RO60: variants seen among roughly 807,000 people sequenced by gnomAD.
The protein encoded by RO60 is Ro60, Y RNA binding protein.
A neutral mutation model predicts 55.3 loss-of-function variants in RO60; 20 were observed. The ratio of observed to expected loss-of-function variants is 0.36; its 90% confidence interval spans 0.25 to 0.53. RO60 has a LOEUF of 0.53. Among genes scored for constraint, RO60 ranks in the 20% least tolerant of loss-of-function variants. The pLI is 0.92. For missense variants in RO60, 558 were observed against 646.6 expected, an observed-to-expected ratio of 0.86 and a Z score of 1.49; for synonymous variants, 213 against 213.6, an observed-to-expected ratio of 1.00 and a Z score of 0.02.
At chr1:193,066,118 C>A (rs1395488783) in intron 1 of RO60, among the ~76,000 whole-genome samples, 4 of 152,112 alleles carry the variant, frequency 2.6e-5, no homozygotes, top group African/African-American at 9.7e-5. Context: ...TACTCTTTAC[C>A]CTTAAAAGAT....
At position 193,088,161 on chromosome 1, in the gene RO60, G is replaced by GC. The variant is rs1674699659; in HGVS notation, c.*3431dup. 1.1e-5 allele frequency: 1 copy of GC among 93,828 alleles called. No homozygotes were observed. The highest frequency in any genetic ancestry group is 5.7e-5 in the African/African-American group (1 of 17,526). 5.8% of individuals were successfully genotyped at this position (93,828 alleles called of 1,614,324 possible). On this transcript the variant is annotated 3_prime_UTR_variant, in exon 9 of 9. Coordinates refer to ENST00000400968, the MANE Select transcript of RO60 (RefSeq NM_001173524.2). ...TGGTGTGCACTGCACTACCACGCCTGCTTTTTTTTTTTTTTTTTTTTTTTT... is the reference window on the plus strand; with the variant it reads ...TGGTGTGCACTGCACTACCACGCCTGCCTTTTTTTTTTTTTTTTTTTTTTTT...
In RO60 at chr1:193,084,600, T is replaced by C. The variant is rs775449652; in HGVS notation, c.1486T>C (p.Leu496=). The change falls in exon 9 of 9, where the codon TTG becomes CTG. Residue 496 remains leucine (L), a synonymous_variant. Coordinates refer to ENST00000400968, the MANE Select transcript of RO60 (RefSeq NM_001173524.2). ...YRKKMDIPAK[L]IVCGMTSNGF... ...ACAGAAAATGGATATTCCAGCTAAA[T>C]TGATTGTTTGTGGAATGACATCAAA... The C allele has an allele frequency of 1.9e-6, 3 of 1,612,622 alleles. No individual in the cohort carries two copies. The highest frequency in any genetic ancestry group is 1.7e-5 in the Admixed American group (1 of 59,682).
At position 193,059,922 on chromosome 1, in the gene RO60, G is replaced by T; in HGVS notation, c.-22+146G>T. On this transcript the variant is annotated intron_variant, in intron 1 of 8. Transcript: ENST00000400968. This position sits in a 1 kb window ranked among gnomAD's most constrained non-coding sequence, Gnocchi z 4.9. ...CGAAACTATCGCTCTTCCCCGTCCC[G>T]CTTCCGCGCCTGTCCACCCTGGGTA... 1 of 1,366,130 alleles carries T rather than the reference G, an allele frequency of 7.3e-7. No homozygotes were observed. Among genetic ancestry groups the T allele is most frequent in the Non-Finnish European group, 9.8e-7 (1 of 1,021,712 alleles). 84.6% of individuals were successfully genotyped at this position (1,366,130 alleles called of 1,614,324 possible). A position where few individuals can be genotyped will look rare whatever the true frequency, so the allele number is the denominator to read the frequency against.
chr1:193,075,800 A>T lies in RO60; in HGVS notation c.581-20A>T, dbSNP rs899070061. The T allele has an allele frequency of 6.4e-7, 1 of 1,554,160 alleles. No homozygotes were observed. The highest frequency in any genetic ancestry group is 2.0e-5 in the Admixed American group (1 of 50,232). Reference sequence around the variant, plus strand: ...ACTTGGTAATCCTGCATGCTTTTTCAATTCTTTATCTTGTTAAAGGACTTG... The same window carrying T: ...ACTTGGTAATCCTGCATGCTTTTTCTATTCTTTATCTTGTTAAAGGACTTG... On this transcript the variant is annotated intron_variant, in intron 2 of 8. Transcript: ENST00000400968.
chr1:193,059,828 C>T lies in RO60; in HGVS notation c.-22+52C>T, dbSNP rs1306154175. 1 of 1,358,518 alleles carries T rather than the reference C, an allele frequency of 7.4e-7. No individual in the cohort carries two copies. The highest frequency in any genetic ancestry group is 1.5e-5 in the African/African-American group (1 of 67,696). The allele number at this position is 1,358,518 out of a possible 1,614,324, so 84.2% of individuals were successfully genotyped here. On this transcript the variant is annotated intron_variant, in intron 1 of 8. Coordinates refer to ENST00000400968, the MANE Select transcript of RO60 (RefSeq NM_001173524.2). The surrounding 1 kb of genome is among the most constrained non-coding windows in gnomAD (Gnocchi z 4.9). ...GGAGCCTTTTGTGCGGCCCCAGGGA[C>T]GCGCAAATTCTGACCAGTCCTCCAT...
chr1:193,073,720 T>C (rs1673681046), intron 2 of RO60, among the ~76,000 whole-genome samples: 1 of 152,202 alleles, frequency 6.6e-6, no homozygotes, highest in Non-Finnish European at 1.5e-5. Flanking sequence ...ATTACAGGCA[T>C]GTGCCACCAC....
chr1:193,074,815 A>G (rs1336037423), intron 2 of RO60, among the ~76,000 whole-genome samples: 6 of 152,220 alleles, frequency 3.9e-5, no homozygotes, highest in African/African-American at 7.2e-5. Context: ...GCCCACGCCT[A>G]TGTCCTGAAT....
At position 193,076,552 on chromosome 1, in the gene RO60, C is replaced by G; in HGVS notation, c.853C>G (p.Leu285Val). The change falls in exon 4 of 9, where the codon CTA becomes GTA. Residue 285 changes from leucine (L) to valine (V), a missense_variant. Physicochemically the swap from Leu to Val is conservative, Grantham distance 32 (BLOSUM62 1). Transcript: ENST00000400968. ...EMPLTALLRN[L>V]GKMTANSVLE... Reference sequence around the variant, plus strand: ...GCCGCTTACTGCATTACTAAGGAATCTAGGAAAGATGACTGCTAATTCAGT... The same window carrying G: ...GCCGCTTACTGCATTACTAAGGAATGTAGGAAAGATGACTGCTAATTCAGT... The G allele has an allele frequency of 2.5e-6, 4 of 1,612,616 alleles. No homozygotes were observed. Among genetic ancestry groups the G allele is most frequent in the Non-Finnish European group, 3.4e-6 (4 of 1,179,368 alleles).
At chr1:193,084,500 T>TAA (rs1674528661) in intron 8 of RO60, 79 bp from the exon 9 acceptor site, 1 of 1,438,806 alleles carries the variant, frequency 7.0e-7, no homozygotes, top group Admixed American at 2.7e-5. Flanking sequence ...AGAGAAATGT[T>TAA]AAAGTGTTTT....
Position 193,059,647 on chromosome 1 carries a change from G to T in RO60, c.-151G>T. The T allele has an allele frequency of 7.2e-7, 1 of 1,388,598 alleles. No individual in the cohort carries two copies. Among genetic ancestry groups the T allele is most frequent in the South Asian group, 1.1e-5 (1 of 87,112 alleles). 86.0% of individuals were successfully genotyped at this position (1,388,598 alleles called of 1,614,324 possible). On this transcript the variant is annotated 5_prime_UTR_variant, in exon 1 of 9. Transcript: ENST00000400968. The surrounding 1 kb of genome is among the most constrained non-coding windows in gnomAD (Gnocchi z 4.9). ...GGGAACCGAACCTGGAATCCCCGGCGGCAGTGGGGCTGTTGCTGTTGCTGT... is the reference window on the plus strand; with the variant it reads ...GGGAACCGAACCTGGAATCCCCGGCTGCAGTGGGGCTGTTGCTGTTGCTGT...
In RO60 at chr1:193,081,447, C is replaced by G. The variant is rs141664481; in HGVS notation, c.1170C>G (p.Leu390=). The change falls in exon 6 of 9, where the codon CTC becomes CTG. Residue 390 remains leucine, a synonymous_variant. Transcript: ENST00000400968. The part of the protein sequence containing the change: ...SMNQRVLGSI[L]NASTVAAAMC... ...ACCAAAGAGTTTTGGGTAGTATACT[C>G]AACGCTAGTACAGTTGCTGCAGCAA... 2 of 1,610,618 alleles carry G rather than the reference C, an allele frequency of 1.2e-6. No homozygotes were observed. The highest frequency in any genetic ancestry group is 1.7e-6 in the Non-Finnish European group (2 of 1,177,842).
intron 8 of RO60, among the ~76,000 whole-genome samples, chr1:193,083,228 C>T (rs757180475): frequency 4.9e-4 from 74 of 152,002 alleles, no homozygotes; most frequent in African/African-American, 4.1e-4. Flanking sequence ...CTAAGAATAT[C>T]CTTTGCAAAC....
intron 1 of RO60, among the ~76,000 whole-genome samples, chr1:193,061,983 C>CAAA (rs199670965): frequency 2.6e-5 from 2 of 76,244 alleles, no homozygotes; most frequent in Non-Finnish European, 5.5e-5. Flanking sequence ...GAGTCTGTCT[C>CAAA]AAAAAAAAAA....
chr1:193,080,610 T>G (rs527683451), intron 5 of RO60, among the ~76,000 whole-genome samples: 1 of 152,338 alleles, frequency 6.6e-6, no homozygotes, highest in Non-Finnish European at 1.5e-5. Context: ...CTGATTTTGA[T>G]GAACAACCCA....
intron 2 of RO60, among the ~76,000 whole-genome samples, chr1:193,070,013 C>G (rs1572072001): frequency 6.6e-6 from 1 of 152,086 alleles, no homozygotes; most frequent in African/African-American, 2.4e-5. Context: ...TCCAGCTTTG[C>G]CAGTTACTCA....
At chr1:193,065,967 T>G (rs1673078243) in intron 1 of RO60, among the ~76,000 whole-genome samples, 1 of 152,168 alleles carries the variant, frequency 6.6e-6, no homozygotes, top group Non-Finnish European at 1.5e-5. Flanking sequence ...CACTATGTGT[T>G]CCCCTCTCTG....
At chr1:193,079,784 C>G (rs1233403362) in intron 5 of RO60, among the ~76,000 whole-genome samples, 1 of 151,886 alleles carries the variant, frequency 6.6e-6, no homozygotes. Context: ...TAAAAATGGG[C>G]AAAGTACTTG....
chr1:193,071,549 C>T (rs948996537), intron 2 of RO60, among the ~76,000 whole-genome samples: 12 of 152,036 alleles, frequency 7.9e-5, no homozygotes, highest in African/African-American at 2.9e-4. Context: ...AATGAAAACA[C>T]TTGCATAGAG....
chr1:193,082,469 T>A (rs1200274457), intron 7 of RO60, 93 bp from the exon 8 acceptor site: 6 of 1,442,476 alleles, frequency 4.2e-6, no homozygotes, highest in Non-Finnish European at 4.8e-6. Context: ...TTGGGAAGGC[T>A]GTATATATTG....
Sources: gnomAD v4.1 joint callset for allele counts (sites outside exome capture counted in the v4.1 genomes callset) on GRCh38, gnomAD v4.1.1 for gene constraint, Gnocchi (gnomAD v3.1) non-coding constraint, MANE v1.5 for transcripts, NCBI Gene and HGNC (gene_info 2026-07-23, HGNC 2026-07-21) for gene names.